Variants in FBXL17 observed in about 807,000 individuals in gnomAD.
The protein encoded by FBXL17 is F-box and leucine rich repeat protein 17, also known as F-box/LRR-repeat protein 17.
In FBXL17, 22 loss-of-function variants were observed where a neutral mutation model predicts 66.2. That is an observed-to-expected ratio of 0.33 (90% CI 0.24 to 0.47). The LOEUF is 0.47. Among genes scored for constraint, FBXL17 ranks in the 20% least tolerant of loss-of-function variants. The pLI, the probability that FBXL17 is intolerant of heterozygous loss-of-function variation, is 1.00. For synonymous variants in FBXL17, 474 were observed against 400.5 expected, an observed-to-expected ratio of 1.18 and a Z score of -2.19; for missense variants, 878 against 948.2, an observed-to-expected ratio of 0.93 and a Z score of 0.97.
Position 108,004,893 on chromosome 5 carries a change from C to T in FBXL17, c.1822+16032G>A, listed in dbSNP as rs78942645. Among the ~76,000 whole-genome samples the T allele has an allele frequency of 3.1e-3, 473 of 152,232 alleles. 2 individuals carry two copies. Among genetic ancestry groups the T allele is most frequent in the African/African-American group, 0.011 (452 of 41,526 alleles). On this transcript the variant is annotated intron_variant, in intron 7 of 8. Transcript: ENST00000542267. The stretch of plus-strand genomic sequence containing the variant: ...ATTTTCCCACAAAAATTCATATTAG[C>T]TAGGAAGCTTCCATTCTGATTCCTC...
rs138232838 is a variant in FBXL17, at chr5:107,861,828, C to G, written c.1998G>C (p.Gln666His). The change falls in exon 9 of 9, where the codon CAG (glutamine) becomes CAC (histidine). Residue 666 changes from glutamine (Q) to histidine (H), a missense_variant. Gln to His is a conservative substitution (Grantham distance 24). This residue lies in a region of FBXL17 where 236 missense variants were observed against 389.1 expected (regional missense o/e 0.61). Transcript: ENST00000542267. The stretch of plus-strand genomic sequence containing the variant: ...TGCTGAAGGTGATGTGGGGGTACTG[C>G]TGCACCAGCTGTTCCACCGTCACTT... Reference protein sequence around the residue: ...VNEVTVEQLVQQYPHITFSTV... With the variant: ...VNEVTVEQLVHQYPHITFSTV... 6 of 1,556,166 alleles carry G rather than the reference C, an allele frequency of 3.9e-6. No homozygotes were observed. In the African/African-American group the frequency reaches 8.3e-5, roughly 21 times the overall value.
At chr5:108,179,071 T>C (rs1168975860) in intron 6 of FBXL17, among the ~76,000 whole-genome samples, 8 of 152,218 alleles carry the variant, frequency 5.3e-5, no homozygotes, top group African/African-American at 1.4e-4. Context: ...AGGAAGATGG[T>C]AGATTATCTA....
intron 4 of FBXL17, among the ~76,000 whole-genome samples, chr5:108,281,792 T>A (rs1331620523): frequency 6.6e-6 from 1 of 151,696 alleles, no homozygotes; most frequent in African/African-American, 2.4e-5. Flanking sequence ...CTACACAGAC[T>A]ATTCAAAGAA....
At chr5:107,995,557 T>TTG (rs774159933) in intron 7 of FBXL17, among the ~76,000 whole-genome samples, 6 of 151,704 alleles carry the variant, frequency 4.0e-5, no homozygotes, top group Admixed American at 1.3e-4. Context: ...TTATAAGAGT[T>TTG]TGTGTGTGTG....
At chr5:107,928,053 T>C (rs1432064879) in intron 7 of FBXL17, among the ~76,000 whole-genome samples, 1 of 152,110 alleles carries the variant, frequency 6.6e-6, no homozygotes, top group Non-Finnish European at 1.5e-5. Flanking sequence ...AGGAGGTTCT[T>C]GGATAATCCC....
At chr5:108,379,613 T>C (rs1749698701) in intron 1 of FBXL17, among the ~76,000 whole-genome samples, 1 of 152,196 alleles carries the variant, frequency 6.6e-6, no homozygotes, top group Non-Finnish European at 1.5e-5. Flanking sequence ...GTTACTTCAG[T>C]AACGGTAAAA....
At chr5:108,095,366 G>A (rs1348924311) in intron 6 of FBXL17, among the ~76,000 whole-genome samples, 1 of 151,914 alleles carries the variant, frequency 6.6e-6, no homozygotes, top group Non-Finnish European at 1.5e-5. Context: ...TACCATACAG[G>A]AAGAAAGAGA....
intron 7 of FBXL17, among the ~76,000 whole-genome samples, chr5:107,962,997 T>C (rs1468190747): frequency 6.6e-6 from 1 of 152,126 alleles, no homozygotes; most frequent in East Asian, 1.9e-4. Context: ...AACATTTTCA[T>C]TTGAAACTGA....
intron 6 of FBXL17, among the ~76,000 whole-genome samples, chr5:108,027,840 T>C (rs1299275383): frequency 1.3e-5 from 2 of 152,132 alleles, no homozygotes; most frequent in Non-Finnish European, 2.9e-5. Flanking sequence ...GTTTATTCAT[T>C]CTTCGGTAGA....
Position 108,381,811 on chromosome 5 carries a change from C to CACACACACGCACACACGG in FBXL17, c.-138_-121dup, listed in dbSNP as rs1561572627. The CACACACACGCACACACGG allele has an allele frequency of 7.5e-7, 1 of 1,335,578 alleles. No individual in the cohort carries two copies. The highest frequency in any genetic ancestry group is 4.0e-5 in the Admixed American group (1 of 24,818). The allele number at this position is 1,335,578 out of a possible 1,614,324, so 82.7% of individuals were successfully genotyped here. A position where few individuals can be genotyped will look rare whatever the true frequency, so the allele number is the denominator to read the frequency against. Reference sequence around the variant, plus strand: ...CCCCGGAGGGGTCGCCCTTCCTGCGCACACACACGCACACACGGGCACACA... The same window carrying CACACACACGCACACACGG: ...CCCCGGAGGGGTCGCCCTTCCTGCGCACACACACGCACACACGGACACACACGCACACACGGGCACACA... On this transcript the variant is annotated 5_prime_UTR_variant, in exon 1 of 9. Coordinates refer to ENST00000542267, the MANE Select transcript of FBXL17 (RefSeq NM_001163315.3).
Position 107,879,476 on chromosome 5 carries a change from T to C in FBXL17, c.1965+1561A>G. 3.0e-6 allele frequency: 3 copies of C among 985,442 alleles called. No individual in the cohort carries two copies. In the South Asian group the frequency reaches 1.4e-4, roughly 46 times the overall value. 61.0% of individuals were successfully genotyped at this position (985,442 alleles called of 1,614,324 possible). On this transcript the variant is annotated intron_variant, in intron 8 of 8. Coordinates refer to ENST00000542267, the MANE Select transcript of FBXL17 (RefSeq NM_001163315.3). ...AGCCCCGGATCTCAGTGCTGTTGCT[T>C]AGTTACAAAGTAAGTCGCTTCTGGG...
intron 3 of FBXL17, among the ~76,000 whole-genome samples, chr5:108,352,534 G>A (rs1833562): frequency 0.23 from 34,723 of 152,040 alleles, 4,606 homozygotes; most frequent in Middle Eastern, 0.33. Context: ...TTTTTGAGAC[G>A]GAGTTTCGCT....
At chr5:108,144,848 G>GA (rs1751495778) in intron 6 of FBXL17, among the ~76,000 whole-genome samples, 1 of 152,020 alleles carries the variant, frequency 6.6e-6, no homozygotes, top group Non-Finnish European at 1.5e-5. Context: ...TCATGACTCT[G>GA]AATCTCCATA....
chr5:108,377,443 T>C (rs1376503930), intron 1 of FBXL17, among the ~76,000 whole-genome samples: 3 of 152,280 alleles, frequency 2.0e-5, no homozygotes, highest in African/African-American at 7.2e-5. Flanking sequence ...TTTTTACTCA[T>C]TGCCCCAAAT....
chr5:108,330,744 ACAT>A (rs1174689668), intron 4 of FBXL17, among the ~76,000 whole-genome samples: 22 of 152,118 alleles, frequency 1.4e-4, no homozygotes, highest in East Asian at 5.8e-4. Context: ...ACGTGCACAC[ACAT>A]CATCACACAT....
rs1403670238 is a variant in FBXL17, at chr5:107,860,509, G to C, written c.*1211C>G. On this transcript the variant is annotated 3_prime_UTR_variant, in exon 9 of 9. Coordinates refer to ENST00000542267, the MANE Select transcript of FBXL17 (RefSeq NM_001163315.3). The stretch of plus-strand genomic sequence containing the variant: ...GATAGGTCTTGTCTTAACTGAAGCT[G>C]GCAATCCTTAATTAAACAAAGAAAT... 1 of 152,576 alleles carries C rather than the reference G, an allele frequency of 6.6e-6. No homozygotes were observed. Among genetic ancestry groups the C allele is most frequent in the Non-Finnish European group, 1.5e-5 (1 of 68,028 alleles). 9.5% of individuals were successfully genotyped at this position (152,576 alleles called of 1,614,324 possible).
chr5:108,034,963 A>G (rs1396532017), intron 6 of FBXL17, among the ~76,000 whole-genome samples: 1 of 152,156 alleles, frequency 6.6e-6, no homozygotes, highest in Non-Finnish European at 1.5e-5. Context: ...GGCATTTTGA[A>G]GCAATGAAAG....
chr5:108,215,579 G>A (rs568044447), intron 5 of FBXL17, among the ~76,000 whole-genome samples: 4 of 152,220 alleles, frequency 2.6e-5, no homozygotes, highest in East Asian at 3.9e-4. Flanking sequence ...TCTTTTTGTT[G>A]CTAAGATATG....
intron 7 of FBXL17, among the ~76,000 whole-genome samples, chr5:107,999,553 A>G (rs1183267535): frequency 1.3e-5 from 2 of 150,674 alleles, no homozygotes; most frequent in East Asian, 2.0e-4. Context: ...ATGCCTCCAC[A>G]TTCCCAAAGC....
Sources: allele counts gnomAD v4.1 joint callset (sites outside exome capture counted in the v4.1 genomes callset), GRCh38; gene constraint gnomAD v4.1.1; regional missense constraint gnomAD v4.1.1; transcripts MANE v1.5; gene names NCBI Gene and HGNC (gene_info 2026-07-23, HGNC 2026-07-21).